PRKCE: variants seen among roughly 807,000 people sequenced by gnomAD.
PRKCE encodes the protein protein kinase C epsilon type.
Under a neutral mutation model 85.4 loss-of-function variants are expected in PRKCE, and 16 were observed. The observed-to-expected ratio is 0.19, with a 90% CI of 0.13 to 0.28. PRKCE has a LOEUF of 0.28. Ranked by LOEUF, PRKCE falls within the 10% of genes least tolerant of loss-of-function variation. The probability of loss-of-function intolerance (pLI) is 1.00; values close to 1 mark genes in which losing one functional copy is unlikely to be tolerated. For synonymous variants in PRKCE, 388 were observed against 371.5 expected (o/e 1.04, Z -0.51); for missense variants, 573 against 975.2 (o/e 0.59, Z 5.49).
intron 2 of PRKCE, among the ~76,000 whole-genome samples, chr2:45,955,665 C>G (rs756792175): frequency 3.3e-5 from 5 of 152,044 alleles, no homozygotes; most frequent in African/African-American, 1.2e-4. Flanking sequence ...AAAACAAACC[C>G]CCACATGGAT....
At chr2:46,148,556 G>A (rs1311971711) in intron 12 of PRKCE, among the ~76,000 whole-genome samples, 2 of 152,212 alleles carry the variant, frequency 1.3e-5, no homozygotes, top group African/African-American at 2.4e-5. Flanking sequence ...AGCACCCAGT[G>A]TGCCCTGAGG....
rs942057554 is a variant in PRKCE, at chr2:45,774,438, G to T, written c.349-68562G>T. On this transcript the variant is annotated intron_variant, in intron 1 of 14. Coordinates refer to ENST00000306156, the MANE Select transcript of PRKCE (RefSeq NM_005400.3). This position sits in a 1 kb window ranked among gnomAD's most constrained non-coding sequence, Gnocchi z 4.3. ...GCCTGTACAGGCAAACTCAGCATCA[G>T]CACGGCTTTAGAGACCGAGTGCCCG... Among the ~76,000 whole-genome samples the T allele has an allele frequency of 6.6e-6, 1 of 152,206 alleles. No homozygotes were observed. The highest frequency in any genetic ancestry group is 6.5e-5 in the Admixed American group (1 of 15,288).
chr2:45,707,090 C>T (rs1311423549), intron 1 of PRKCE, among the ~76,000 whole-genome samples: 2 of 152,188 alleles, frequency 1.3e-5, no homozygotes, highest in Non-Finnish European at 2.9e-5. Context: ...ATTCCTCAGT[C>T]TAACAAATAC....
chr2:45,882,707 G>T (rs1357226591), intron 2 of PRKCE, among the ~76,000 whole-genome samples: 2 of 152,226 alleles, frequency 1.3e-5, no homozygotes, highest in Admixed American at 1.3e-4. Flanking sequence ...GGAAGAGAAA[G>T]ACGGAGAAGA....
chr2:45,859,456 A>T (rs543429572), intron 2 of PRKCE, among the ~76,000 whole-genome samples: 1 of 152,148 alleles, frequency 6.6e-6, no homozygotes, highest in African/African-American at 2.4e-5. Flanking sequence ...GCAATATCCA[A>T]TTGTTTTTTA....
chr2:45,847,782 T>C (rs1050034940), intron 2 of PRKCE, among the ~76,000 whole-genome samples: 12 of 152,248 alleles, frequency 7.9e-5, no homozygotes, highest in Admixed American at 6.5e-4. Flanking sequence ...GAAAGCTTTT[T>C]ATAGAAATAT....
At chr2:45,943,860 C>A (rs772669505) in intron 2 of PRKCE, among the ~76,000 whole-genome samples, 3 of 152,146 alleles carry the variant, frequency 2.0e-5, no homozygotes, top group African/African-American at 7.2e-5. Flanking sequence ...GGAGTGACCG[C>A]GCAGTGAAAC....
At chr2:45,952,210 A>G (rs2104343478) in intron 2 of PRKCE, among the ~76,000 whole-genome samples, 1 of 152,328 alleles carries the variant, frequency 6.6e-6, no homozygotes, top group Admixed American at 6.5e-5. Flanking sequence ...CACATAGATA[A>G]ACAACTGAAG....
chr2:45,835,203 T>C (rs1044849427), intron 1 of PRKCE, among the ~76,000 whole-genome samples: 3 of 152,274 alleles, frequency 2.0e-5, no homozygotes, highest in East Asian at 3.8e-4. Flanking sequence ...ATAGGATTTG[T>C]TATTTAAAGG....
At chr2:46,085,742 TTTTTTTG>T (rs1370137759) in intron 10 of PRKCE, among the ~76,000 whole-genome samples, 21 of 17,332 alleles carry the variant, frequency 1.2e-3, no homozygotes, top group East Asian at 8.8e-3. Context: ...ATCCGTTTTT[TTTTTTTG>T]TTTTTGTTTT....
At chr2:46,128,237 A>G (rs1674063067) in intron 11 of PRKCE, among the ~76,000 whole-genome samples, 1 of 152,162 alleles carries the variant, frequency 6.6e-6, no homozygotes, top group African/African-American at 2.4e-5. Flanking sequence ...CAAAAAAAAA[A>G]GAGTAGATAT....
chr2:45,928,361 G>A lies in PRKCE; in HGVS notation c.413-48068G>A, dbSNP rs60067675. ...CAACTCACTGCAACCTCCGCCTCGC[G>A]GGTTGAAGCAATTCTCATGCCTCAG... On this transcript the variant is annotated intron_variant, in intron 2 of 14. Coordinates refer to ENST00000306156, the MANE Select transcript of PRKCE (RefSeq NM_005400.3). 7.4e-3 allele frequency among the ~76,000 whole-genome samples: 1,121 copies of A among 152,328 alleles called. 15 individuals carry two copies. Among genetic ancestry groups the A allele is most frequent in the African/African-American group, 0.025 (1,059 of 41,570 alleles).
rs1228790462 is a variant in PRKCE at position 46,184,824 on chromosome 2, G to A, written c.2157G>A (p.Gln719=). The A allele has an allele frequency of 1.3e-6, 2 of 1,599,784 alleles. No homozygotes were observed. Among genetic ancestry groups the A allele is most frequent in the Non-Finnish European group, 1.7e-6 (2 of 1,179,960 alleles). ...TTGTGGACGAAGCAATTGTAAAGCAGATCAACCAGGAGGAATTCAAAGGTT... is the reference window on the plus strand; with the variant it reads ...TTGTGGACGAAGCAATTGTAAAGCAAATCAACCAGGAGGAATTCAAAGGTT... ...LTLVDEAIVK[Q]INQEEFKGFS... is the part of the protein sequence containing the mutation. The change falls in exon 15 of 15, where the codon CAG becomes CAA. Residue 719 remains glutamine, a synonymous_variant. Transcript: ENST00000306156. The surrounding 1 kb of genome is among the most constrained non-coding windows in gnomAD (Gnocchi z 5.0).
At chr2:46,091,146 A>G (rs1162194738) in intron 11 of PRKCE, among the ~76,000 whole-genome samples, 1 of 141,070 alleles carries the variant, frequency 7.1e-6, no homozygotes, top group Non-Finnish European at 1.5e-5. Flanking sequence ...TGGGGGAAGC[A>G]GGGGGAGGGC....
chr2:45,951,105 A>G (rs1425380013), intron 2 of PRKCE, among the ~76,000 whole-genome samples: 1 of 152,190 alleles, frequency 6.6e-6, no homozygotes, highest in African/African-American at 2.4e-5. Context: ...TTCAAACACT[A>G]TCGTGTTATC....
intron 1 of PRKCE, among the ~76,000 whole-genome samples, chr2:45,673,200 G>A (rs2103849332): frequency 6.6e-6 from 1 of 152,268 alleles, no homozygotes; most frequent in South Asian, 2.1e-4. Context: ...TACTGCAATG[G>A]TAGATTCTTC....
rs949836160 is a variant in PRKCE, at chr2:45,774,678, G to A, written c.349-68322G>A. On this transcript the variant is annotated intron_variant, in intron 1 of 14. Coordinates refer to ENST00000306156, the MANE Select transcript of PRKCE (RefSeq NM_005400.3). The surrounding 1 kb of genome is among the most constrained non-coding windows in gnomAD (Gnocchi z 4.3). The stretch of plus-strand genomic sequence containing the variant: ...CAGGGAGACAGACAGGCTGTGGTCT[G>A]TGAGACTACCTGATTTCCCACCTTG... Among the ~76,000 whole-genome samples, 6 of 152,118 alleles carry A rather than the reference G, an allele frequency of 3.9e-5. No homozygotes were observed.
chr2:46,063,157 C>T (rs953762768), intron 10 of PRKCE, among the ~76,000 whole-genome samples: 1 of 152,098 alleles, frequency 6.6e-6, no homozygotes, highest in African/African-American at 2.4e-5. Flanking sequence ...CAAGGTTGGA[C>T]CCTGGGGATG....
intron 2 of PRKCE, among the ~76,000 whole-genome samples, chr2:45,903,843 T>A (rs987982669): frequency 6.6e-6 from 1 of 151,816 alleles, no homozygotes; most frequent in Non-Finnish European, 1.5e-5. Flanking sequence ...TCCCCCTCAG[T>A]TTGGGAGCAT....
Sources: allele counts gnomAD v4.1 joint callset (sites outside exome capture counted in the v4.1 genomes callset), GRCh38; gene constraint gnomAD v4.1.1; non-coding constraint Gnocchi (gnomAD v3.1); transcripts MANE v1.5; gene names NCBI Gene and HGNC (gene_info 2026-07-23, HGNC 2026-07-21).